The following COL23A1 variants were observed in gnomAD, a reference collection of about 807,000 sequenced individuals.
COL23A1 encodes collagen type XXIII alpha 1 chain.
A neutral mutation model predicts 99.3 loss-of-function variants in COL23A1; 97 were observed. That is an observed-to-expected ratio of 0.98 (90% CI 0.83 to 1.16). The LOEUF (loss-of-function observed/expected upper bound fraction) is 1.16, where lower values mean the gene tolerates loss of function less well. Ranked by LOEUF, COL23A1 falls within the 50% of genes most tolerant of loss-of-function variation. The pLI is 0.00. For missense variants in COL23A1, 762 were observed against 757.4 expected (o/e 1.01, Z -0.07); for synonymous variants, 320 against 308.2 (o/e 1.04, Z -0.40).
chr5:178,557,842 T>C (rs1762360673), intron 2 of COL23A1, among the ~76,000 whole-genome samples: 1 of 152,044 alleles, frequency 6.6e-6, no homozygotes, highest in Non-Finnish European at 1.5e-5. Flanking sequence ...GCCGGCCTGC[T>C]GGGGTTTAGT....
intron 2 of COL23A1, among the ~76,000 whole-genome samples, chr5:178,364,813 G>A (rs138615922): frequency 1.1e-3 from 161 of 152,290 alleles, no homozygotes; most frequent in African/African-American, 3.7e-3. Context: ...GAACTGCACA[G>A]GGGCTCCCCC....
chr5:178,400,783 A>T (rs890975559), intron 2 of COL23A1, among the ~76,000 whole-genome samples: 1 of 150,910 alleles, frequency 6.6e-6, no homozygotes, highest in Non-Finnish European at 1.5e-5. Context: ...GATTACAGGC[A>T]CCTGCCACTA....
chr5:178,420,355 TGCCC>T (rs1581355024), intron 2 of COL23A1, among the ~76,000 whole-genome samples: 2 of 114,490 alleles, frequency 1.7e-5, no homozygotes, highest in East Asian at 2.5e-4. Context: ...CCTCCTCCCC[TGCCC>T]CTCCTCTCTT....
intron 5 of COL23A1, among the ~76,000 whole-genome samples, chr5:178,287,695 CT>C (rs1299668110): frequency 6.6e-6 from 1 of 152,232 alleles, no homozygotes; most frequent in Non-Finnish European, 1.5e-5. Context: ...CTGCCAATCT[CT>C]TCTGCTGCTG....
intron 2 of COL23A1, among the ~76,000 whole-genome samples, chr5:178,466,388 G>A (rs930889092): frequency 6.6e-5 from 10 of 152,146 alleles, no homozygotes; most frequent in South Asian, 2.1e-4. Flanking sequence ...TCTTAAAGCC[G>A]TCACAAAAGC....
At chr5:178,480,948 C>A (rs1757299440) in intron 2 of COL23A1, among the ~76,000 whole-genome samples, 1 of 151,820 alleles carries the variant, frequency 6.6e-6, no homozygotes, top group African/African-American at 2.4e-5. Context: ...GAGTTCGAGA[C>A]CAGCCTGGCC....
chr5:178,443,337 A>G (rs954919622), intron 2 of COL23A1, among the ~76,000 whole-genome samples: 5 of 152,238 alleles, frequency 3.3e-5, no homozygotes, highest in Non-Finnish European at 7.3e-5. Flanking sequence ...CCAGACACAC[A>G]AAGGCCAAAT....
At chr5:178,341,443 A>G (rs1368333513) in intron 2 of COL23A1, among the ~76,000 whole-genome samples, 1 of 152,156 alleles carries the variant, frequency 6.6e-6, no homozygotes, top group Non-Finnish European at 1.5e-5. Flanking sequence ...GGTACCCCAG[A>G]GCACAGGAGG....
At chr5:178,269,359 C>T (rs1274455172) in intron 6 of COL23A1, among the ~76,000 whole-genome samples, 1 of 51,066 alleles carries the variant, frequency 2.0e-5, no homozygotes, top group African/African-American at 4.4e-5. Context: ...ACCCACCCAC[C>T]CATCCACCCA....
chr5:178,537,082 C>T (rs1391334954), intron 2 of COL23A1, among the ~76,000 whole-genome samples: 1 of 152,244 alleles, frequency 6.6e-6, no homozygotes, highest in African/African-American at 2.4e-5. Context: ...ACTCCTCACA[C>T]CTCTGAGCTG....
intron 2 of COL23A1, among the ~76,000 whole-genome samples, chr5:178,477,423 G>A (rs1392032387): frequency 5.9e-5 from 9 of 152,152 alleles, no homozygotes; most frequent in Admixed American, 5.2e-4. Context: ...GCAGGGTGCT[G>A]AGTCACCAAT....
intron 7 of COL23A1, 40 bp downstream of exon 7, chr5:178,268,690 G>A: frequency 5.7e-6 from 9 of 1,582,976 alleles, no homozygotes; most frequent in Non-Finnish European, 7.8e-6. Context: ...GGGATTCTTC[G>A]CCTGCCTACC....
chr5:178,270,653 C>T (rs1045886837), intron 5 of COL23A1, among the ~76,000 whole-genome samples: 1 of 152,208 alleles, frequency 6.6e-6, no homozygotes, highest in Admixed American at 6.5e-5. Context: ...GACCGCATTC[C>T]CTCCGCCAGG....
intron 2 of COL23A1, among the ~76,000 whole-genome samples, chr5:178,549,708 GAGA>G (rs1185948173): frequency 1.3e-5 from 2 of 152,132 alleles, no homozygotes; most frequent in African/African-American, 4.8e-5. Context: ...CCAGCTACGT[GAGA>G]AGCTGAGGCA....
In COL23A1 at chr5:178,238,665, C is replaced by T. The variant is rs545766417; in HGVS notation, c.*33G>A. Reference sequence around the variant, plus strand: ...TTTACAAAAATTAAAAATGTCCACACGGATCTGTACAGGTGTGAGCTGGGC... The same window carrying T: ...TTTACAAAAATTAAAAATGTCCACATGGATCTGTACAGGTGTGAGCTGGGC... On this transcript the variant is annotated 3_prime_UTR_variant, in exon 29 of 29. Transcript: ENST00000390654. 8.7e-6 allele frequency: 14 copies of T among 1,611,634 alleles called. No homozygotes were observed. Among genetic ancestry groups the T allele is most frequent in the East Asian group, 6.7e-5 (3 of 44,870 alleles).
intron 3 of COL23A1, among the ~76,000 whole-genome samples, chr5:178,293,683 G>A (rs1028726729): frequency 9.9e-5 from 15 of 151,694 alleles, no homozygotes; most frequent in African/African-American, 3.6e-4. Flanking sequence ...GGGGCAGGGA[G>A]GTCTGGCATG....
At chr5:178,333,939 G>C (rs2973679) in intron 2 of COL23A1, among the ~76,000 whole-genome samples, 72,308 of 152,078 alleles carry the variant, frequency 0.48, 18,095 homozygotes, top group East Asian at 0.81. Context: ...TCACTGTCCA[G>C]TGCGTGAGCC....
intron 2 of COL23A1, among the ~76,000 whole-genome samples, chr5:178,454,439 T>C (rs1439330076): frequency 6.6e-6 from 1 of 152,158 alleles, no homozygotes; most frequent in African/African-American, 2.4e-5. Flanking sequence ...AGGATGTGCA[T>C]TGCTCTCCAG....
intron 2 of COL23A1, among the ~76,000 whole-genome samples, chr5:178,555,171 C>T (rs760527383): frequency 6.6e-6 from 1 of 152,160 alleles, no homozygotes; most frequent in Non-Finnish European, 1.5e-5. Flanking sequence ...TCCAAATCTC[C>T]TTTTATTACA....
Sources: allele counts gnomAD v4.1 joint callset (sites outside exome capture counted in the v4.1 genomes callset), GRCh38; gene constraint gnomAD v4.1.1; transcripts MANE v1.5; gene names NCBI Gene and HGNC (gene_info 2026-07-23, HGNC 2026-07-21).